The following HIVEP3 variants were observed in gnomAD, a reference collection of about 807,000 sequenced individuals.
HIVEP3 encodes transcription factor HIVEP3.
In HIVEP3, 49 loss-of-function variants were observed where a neutral mutation model predicts 152.8. The ratio of observed to expected loss-of-function variants is 0.32; its 90% confidence interval spans 0.26 to 0.41. The LOEUF (loss-of-function observed/expected upper bound fraction) is 0.41, where lower values mean the gene tolerates loss of function less well. Among genes scored for constraint, HIVEP3 ranks in the 10% least tolerant of loss-of-function variants. HIVEP3 has a pLI of 1.00. For missense variants in HIVEP3, 2,790 were observed against 3,103.3 expected (o/e 0.90, Z 2.40); for synonymous variants, 1,269 against 1,289.0 (o/e 0.98, Z 0.33).
chr1:41,942,276 A>G (rs1182608699), intron 1 of HIVEP3, among the ~76,000 whole-genome samples: 2 of 152,176 alleles, frequency 1.3e-5, no homozygotes, highest in Non-Finnish European at 2.9e-5. Context: ...CTTGTCACCT[A>G]TATTTGCTCT....
chr1:41,928,498 T>C (rs1006707123), intron 1 of HIVEP3, among the ~76,000 whole-genome samples: 2 of 152,164 alleles, frequency 1.3e-5, no homozygotes, highest in African/African-American at 2.4e-5. Flanking sequence ...AACTAGGAAA[T>C]TGAGATTGGT....
intron 3 of HIVEP3, among the ~76,000 whole-genome samples, chr1:41,590,115 T>C (rs1189614419): frequency 1.3e-5 from 2 of 152,164 alleles, no homozygotes; most frequent in Admixed American, 6.5e-5. Context: ...AAAAAAATAC[T>C]AAAAGTGGCT....
chr1:41,798,894 A>AAC (rs1337769357), intron 1 of HIVEP3, among the ~76,000 whole-genome samples: 1 of 152,180 alleles, frequency 6.6e-6, no homozygotes, highest in Admixed American at 6.5e-5. Flanking sequence ...TGACTCTTGT[A>AAC]ATATCATGTA....
chr1:41,898,112 T>G (rs1249995226), intron 1 of HIVEP3, among the ~76,000 whole-genome samples: 1 of 152,210 alleles, frequency 6.6e-6, no homozygotes, highest in Non-Finnish European at 1.5e-5. Flanking sequence ...TTGTTTAACC[T>G]CCCAGCATCC....
At chr1:41,727,394 G>A (rs2124180065) in intron 1 of HIVEP3, among the ~76,000 whole-genome samples, 1 of 152,312 alleles carries the variant, frequency 6.6e-6, no homozygotes, top group South Asian at 2.1e-4. Context: ...GGGAAATGTG[G>A]CCCAGGCAGG....
At chr1:41,695,208 G>A (rs985712478) in intron 2 of HIVEP3, among the ~76,000 whole-genome samples, 1 of 152,150 alleles carries the variant, frequency 6.6e-6, no homozygotes, top group Non-Finnish European at 1.5e-5. Flanking sequence ...TGGTGGACTC[G>A]CCATGGAGGC....
At chr1:41,831,697 G>A (rs1642969674) in intron 1 of HIVEP3, among the ~76,000 whole-genome samples, 1 of 152,154 alleles carries the variant, frequency 6.6e-6, no homozygotes, top group Non-Finnish European at 1.5e-5. Flanking sequence ...TCTTTCTCAA[G>A]TCCCACGAGG....
Position 41,524,725 on chromosome 1 carries a change from T to C in HIVEP3, c.5383+10A>G. 6.2e-7 allele frequency: 1 copy of C among 1,612,728 alleles called. No homozygotes were observed. The highest frequency in any genetic ancestry group is 8.5e-7 in the Non-Finnish European group (1 of 1,179,680). ...GGGCAGGGGCAGTGCCCCAGCTGAC[T>C]CTCTCTTACCTTTGGTTTTAAAAGC... On this transcript the variant is annotated intron_variant, in intron 6 of 8. Transcript: ENST00000372583.
intron 1 of HIVEP3, among the ~76,000 whole-genome samples, chr1:41,778,513 C>T (rs1415493405): frequency 6.6e-6 from 1 of 152,212 alleles, no homozygotes; most frequent in Non-Finnish European, 1.5e-5. Flanking sequence ...CAGGCTCAGC[C>T]TTGCCCCAGG....
intron 1 of HIVEP3, among the ~76,000 whole-genome samples, chr1:41,708,231 A>G (rs1646463043): frequency 6.6e-6 from 1 of 152,166 alleles, no homozygotes; most frequent in African/African-American, 2.4e-5. Flanking sequence ...GAGATTGTAC[A>G]TCGTTTACCT....
intron 3 of HIVEP3, among the ~76,000 whole-genome samples, chr1:41,615,632 C>A (rs1362053886): frequency 6.6e-6 from 1 of 152,160 alleles, no homozygotes. Context: ...CAGGAAAAGA[C>A]TGTGGGCAGA....
At chr1:41,933,782 G>A (rs1337911764) in intron 1 of HIVEP3, among the ~76,000 whole-genome samples, 1 of 151,860 alleles carries the variant, frequency 6.6e-6, no homozygotes, top group Admixed American at 6.6e-5. Flanking sequence ...GTTTGGGGGT[G>A]TGTGGAGGAA....
intron 3 of HIVEP3, among the ~76,000 whole-genome samples, chr1:41,585,982 A>G (rs1390862891): frequency 2.0e-5 from 3 of 152,156 alleles, no homozygotes; most frequent in Admixed American, 6.5e-5. Context: ...ACCCCAGCCC[A>G]TGTTTGAAGA....
chr1:41,558,589 T>C (rs1221442627), intron 5 of HIVEP3, among the ~76,000 whole-genome samples: 6 of 152,212 alleles, frequency 3.9e-5, no homozygotes, highest in Non-Finnish European at 4.4e-5. Flanking sequence ...GGCCTGCTCT[T>C]GGGGGAACAT....
chr1:41,566,838 G>A (rs1644171466), intron 5 of HIVEP3, among the ~76,000 whole-genome samples: 1 of 152,118 alleles, frequency 6.6e-6, no homozygotes, highest in Non-Finnish European at 1.5e-5. Flanking sequence ...GCAGCAGTGT[G>A]TCTGTCTGCC....
Position 41,937,670 on chromosome 1 carries a change from T to G in HIVEP3, n.120-19146A>C, listed in dbSNP as rs181091877. Among the ~76,000 whole-genome samples, 4 of 152,340 alleles carry G rather than the reference T, an allele frequency of 2.6e-5. No homozygotes were observed. In the East Asian group the frequency reaches 7.7e-4, roughly 29 times the overall value. On this transcript the variant is annotated intron_variant and non_coding_transcript_variant, in intron 1 of 3. Transcript: ENST00000489103. ...CATATGGCTCATATTTTCTCTCTAG[T>G]GGACAATGCCAGTCTAAAACATTGA...
chr1:41,672,959 T>C (rs543912450), intron 2 of HIVEP3, among the ~76,000 whole-genome samples: 5 of 152,244 alleles, frequency 3.3e-5, no homozygotes, highest in Admixed American at 6.5e-5. Flanking sequence ...ACGTTACGTA[T>C]GGTTTTAAAA....
rs560610812 is a variant in HIVEP3 at position 42,011,599 on chromosome 1, C to T, written n.119+24208G>A. ...AGGCATTTGGGGACATGGTGCCTGC[C>T]CTGGCCTCCATCAACTGCCTTCTTT... is the stretch of plus-strand genomic sequence containing the variant. On this transcript the variant is annotated intron_variant and non_coding_transcript_variant, in intron 1 of 3. Coordinates refer to the HIVEP3 transcript ENST00000489103. 4.6e-5 allele frequency among the ~76,000 whole-genome samples: 7 copies of T among 152,248 alleles called. No homozygotes were observed. The East Asian group carries it at 1.4e-3, about 29-fold the overall frequency.
chr1:41,575,480 A>G, intron 5 of HIVEP3, 64 bp downstream of exon 5: 1 of 1,558,892 alleles, frequency 6.4e-7, no homozygotes, highest in Admixed American at 1.7e-5. Context: ...CTGCCCGTGA[A>G]CACCAATGGG....
Sources: allele counts gnomAD v4.1 joint callset (sites outside exome capture counted in the v4.1 genomes callset), GRCh38; gene constraint gnomAD v4.1.1; transcripts MANE v1.5; gene names NCBI Gene and HGNC (gene_info 2026-07-23, HGNC 2026-07-21).